Variants in HMCN1 observed in about 807,000 individuals in gnomAD.
The protein encoded by HMCN1 is hemicentin 1.
HMCN1 carries 321 observed loss-of-function variants against 625.9 expected under a neutral mutation model. The ratio of observed to expected loss-of-function variants is 0.51; its 90% CI spans 0.47 to 0.56. The LOEUF is 0.56. HMCN1 is among the 20% of genes least tolerant of loss of function. The pLI, the probability that HMCN1 is intolerant of heterozygous loss-of-function variation, is 0.00. For synonymous variants in HMCN1, 2,425 were observed against 2,417.6 expected (o/e 1.00, Z -0.09); for missense variants, 6,588 against 6,887.3 (o/e 0.96, Z 1.54).
chr1:185,981,215 A>G (rs560429904), intron 17 of HMCN1, 142 bp downstream of exon 17: 2 of 663,686 alleles, frequency 3.0e-6, no homozygotes, highest in South Asian at 3.2e-5. Context: ...TCCCTGCCAC[A>G]CTTCATATTT....
At chr1:185,864,158 A>G (rs1016486291) in intron 2 of HMCN1, among the ~76,000 whole-genome samples, 2 of 152,232 alleles carry the variant, frequency 1.3e-5, no homozygotes, top group Non-Finnish European at 2.9e-5. Context: ...AAGAATGAGA[A>G]AAAGTAAGAG....
At chr1:186,118,932 G>A (rs988968471) in intron 77 of HMCN1, among the ~76,000 whole-genome samples, 6 of 152,162 alleles carry the variant, frequency 3.9e-5, no homozygotes, top group African/African-American at 1.2e-4. Context: ...TTGTGGTGAT[G>A]TTTGCATAAC....
chr1:186,171,342 A>C lies in HMCN1; in HGVS notation c.15580A>C (p.Asn5194His), dbSNP rs1232845434. 6.2e-7 allele frequency: 1 copy of C among 1,610,898 alleles called. No individual in the cohort carries two copies. Reference protein sequence around the residue: ...TSDGLSCQDINECQESSPCHQ... With the variant: ...TSDGLSCQDIHECQESSPCHQ... ...AGTTTTGTTTTATTTAACAGATATT[A>C]ATGAATGTCAAGAATCCAGCCCCTG... Residue 5194 changes from asparagine to histidine, a missense_variant, in exon 101 of 107, where the codon AAT becomes CAT. By Grantham distance (68) the Asn-to-His change is moderately conservative. Around this residue, in one of 3 missense-constraint regions of HMCN1, gnomAD observed 1,954 missense variants for 2,013.1 expected, o/e 0.97. Transcript: ENST00000271588.
At chr1:186,143,730 A>G (rs1410176363) in intron 89 of HMCN1, among the ~76,000 whole-genome samples, 1 of 152,184 alleles carries the variant, frequency 6.6e-6, no homozygotes, top group Non-Finnish European at 1.5e-5. Context: ...CTAGGGTCCA[A>G]ATTATCTTTG....
At chr1:186,028,975 GTC>G (rs1391133478) in intron 36 of HMCN1, among the ~76,000 whole-genome samples, 3 of 151,580 alleles carry the variant, frequency 2.0e-5, no homozygotes, top group Non-Finnish European at 4.4e-5. Context: ...TCCGTGATCC[GTC>G]CGCCTCAGCC....
At chr1:185,853,723 G>A (rs1662299862) in intron 2 of HMCN1, among the ~76,000 whole-genome samples, 1 of 152,144 alleles carries the variant, frequency 6.6e-6, no homozygotes, top group African/African-American at 2.4e-5. Context: ...ATGATCTTTT[G>A]TGTAAACTTC....
intron 4 of HMCN1, among the ~76,000 whole-genome samples, chr1:185,892,755 CG>C (rs1665197506): frequency 1.3e-5 from 2 of 151,970 alleles, no homozygotes; most frequent in South Asian, 4.1e-4. Context: ...AGGTTACTGC[CG>C]TCTTTTTGTT....
chr1:186,111,504 G>C (rs1205972593), intron 71 of HMCN1, among the ~76,000 whole-genome samples: 1 of 151,920 alleles, frequency 6.6e-6, no homozygotes, highest in Non-Finnish European at 1.5e-5. Flanking sequence ...AAGTTAGCTG[G>C]GCATGGTGGC....
chr1:186,003,174 G>A (rs762739414), intron 28 of HMCN1, among the ~76,000 whole-genome samples: 8 of 152,084 alleles, frequency 5.3e-5, no homozygotes, highest in African/African-American at 9.7e-5. Flanking sequence ...GAAAGGGGAC[G>A]ACTAGACAGG....
chr1:185,784,070 G>A lies in HMCN1; in HGVS notation c.268+49023G>A, dbSNP rs760384577. Among the ~76,000 whole-genome samples the A allele has an allele frequency of 1.6e-4, 25 of 152,238 alleles. No individual in the cohort carries two copies. The East Asian group carries it at 2.3e-3, about 14-fold the overall frequency. ...AGCAATGGCGGTCGCCCCTCCCCCCGCCTCGCTGCCACCTTGCAGTTTGAT... is the reference window on the plus strand; with the variant it reads ...AGCAATGGCGGTCGCCCCTCCCCCCACCTCGCTGCCACCTTGCAGTTTGAT... On this transcript the variant is annotated intron_variant, in intron 1 of 106. Coordinates refer to ENST00000271588, the MANE Select transcript of HMCN1 (RefSeq NM_031935.3).
In HMCN1 at chr1:186,069,782, T is replaced by A. The variant is rs1275721291; in HGVS notation, c.7993+6T>A. 6.3e-7 allele frequency: 1 copy of A among 1,582,610 alleles called. No homozygotes were observed. The highest frequency in any genetic ancestry group is 1.7e-5 in the Admixed American group (1 of 59,748). On this transcript the variant is annotated splice_donor_region_variant and intron_variant, in intron 51 of 106. Transcript: ENST00000271588. ...CTATGAAGTGAAGGTGTACAGTAAG[T>A]TCTGAAAGAATACTATGTTTCATAG...
rs1442636500 is a variant in HMCN1, at chr1:186,144,235, A to G, written c.13987A>G (p.Thr4663Ala). 7 of 1,613,440 alleles carry G rather than the reference A, an allele frequency of 4.3e-6. No individual in the cohort carries two copies. The highest frequency in any genetic ancestry group is 1.7e-5 in the Admixed American group (1 of 59,944). ...GTCSESCGKG[T>A]QTRARLCNNP... ...ATGCAGCGAAAGTTGTGGGAAAGGT[A>G]CTCAGACAAGAGCAAGACTTTGTAA... Residue 4663 changes from threonine (T) to alanine (A), a missense_variant, in exon 90 of 107, where the codon ACT becomes GCT. Coordinates refer to ENST00000271588, the MANE Select transcript of HMCN1 (RefSeq NM_031935.3).
intron 98 of HMCN1, among the ~76,000 whole-genome samples, chr1:186,165,869 A>G (rs965615677): frequency 6.6e-6 from 1 of 152,078 alleles, no homozygotes; most frequent in Non-Finnish European, 1.5e-5. Flanking sequence ...AAAAATACTT[A>G]TCTCCTAGGA....
intron 11 of HMCN1, among the ~76,000 whole-genome samples, chr1:185,947,151 C>A (rs1668390848): frequency 2.6e-5 from 4 of 152,108 alleles, no homozygotes. Flanking sequence ...GCCAATGTCC[C>A]ACCTACTGGT....
Position 186,151,710 on chromosome 1 carries a change from T to C in HMCN1, c.14863T>C (p.Phe4955Leu). The C allele has an allele frequency of 6.2e-7, 1 of 1,613,688 alleles. No homozygotes were observed. Among genetic ancestry groups the C allele is most frequent in the Non-Finnish European group, 8.5e-7 (1 of 1,179,704 alleles). ...TGGCTTTACCCTCACCAATGCAGTC[T>C]TCAAAAGAGAAACTCAAGTGGAATT... ...VNGFTLTNAV[F>L]KRETQVEFAT... The change falls in exon 95 of 107, where the codon TTC (phenylalanine) becomes CTC (leucine). Residue 4955 changes from phenylalanine (F) to leucine (L), a missense_variant. Transcript: ENST00000271588.
At chr1:186,153,537 T>TTTAAAGCTACCTTATAGCTTTAAGGTA (rs1404399969) in intron 96 of HMCN1, among the ~76,000 whole-genome samples, 6 of 152,186 alleles carry the variant, frequency 3.9e-5, no homozygotes, top group Non-Finnish European at 5.9e-5. Context: ...ACTATGGCAA[T>TTTAAAGCTACCTTATAGCTTTAAGGTA]TTAAAGCTAC....
In HMCN1 at chr1:186,117,016, GT is replaced by G; in HGVS notation, c.11585del (p.Val3862GlufsTer17). 1 of 1,613,230 alleles carries G rather than the reference GT, an allele frequency of 6.2e-7. No homozygotes were observed. Among genetic ancestry groups the G allele is most frequent in the Non-Finnish European group, 8.5e-7 (1 of 1,179,356 alleles). On this transcript the variant is annotated frameshift_variant, in exon 76 of 107. Transcript: ENST00000271588. LOFTEE classifies it high-confidence loss of function. ...TAGGCTCCTTTCTTCAGGTTCACTA[GT>G]AATTATTTCCCCTTCTGTGGATGAC... ...SYRLLSSGSL[V>X]IISPSVDDTA...
chr1:185,742,998 G>A (rs1251595033), intron 1 of HMCN1, among the ~76,000 whole-genome samples: 1 of 152,126 alleles, frequency 6.6e-6, no homozygotes, highest in Admixed American at 6.5e-5. Context: ...TTGTTAATTA[G>A]TTAAGGAACA....
chr1:185,959,884 G>T (rs1649887374), intron 11 of HMCN1, among the ~76,000 whole-genome samples: 1 of 152,084 alleles, frequency 6.6e-6, no homozygotes, highest in African/African-American at 2.4e-5. Context: ...TTGAACTGTG[G>T]TTCTTTAATT....
Sources: gnomAD v4.1 joint callset for allele counts (sites outside exome capture counted in the v4.1 genomes callset) on GRCh38, gnomAD v4.1.1 for gene constraint, gnomAD v4.1.1 regional missense constraint, MANE v1.5 for transcripts, NCBI Gene and HGNC (gene_info 2026-07-23, HGNC 2026-07-21) for gene names.